The following PDE3A variants were observed in gnomAD, a reference collection of about 807,000 sequenced individuals.
The protein encoded by PDE3A is cGMP-inhibited 3',5'-cyclic phosphodiesterase 3A.
Under a neutral mutation model 98.3 loss-of-function variants are expected in PDE3A, and 43 were observed. The ratio of observed to expected loss-of-function variants is 0.44; its 90% CI spans 0.34 to 0.56. The LOEUF (loss-of-function observed/expected upper bound fraction) is 0.56, where lower values mean the gene tolerates loss of function less well. PDE3A is among the 20% of genes least tolerant of loss of function. The pLI is 0.01. For synonymous variants in PDE3A, 663 were observed against 567.9 expected (o/e 1.17, Z -2.38); for missense variants, 1,427 against 1,440.7 (o/e 0.99, Z 0.15).
In PDE3A at chr12:20,463,592, C is replaced by A. The variant is rs76744994; in HGVS notation, c.961-93068C>A. Among the ~76,000 whole-genome samples, 105 of 152,206 alleles carry A rather than the reference C, an allele frequency of 6.9e-4. 2 individuals carry two copies. The East Asian group carries it at 0.019, about 28-fold the overall frequency. On this transcript the variant is annotated intron_variant, in intron 1 of 15. Transcript: ENST00000359062. ...ATTATTTTGCTTATATCATAGCAAACAATCTCTAGAGCTACAAGGATGTAT... is the reference window on the plus strand; with the variant it reads ...ATTATTTTGCTTATATCATAGCAAAAAATCTCTAGAGCTACAAGGATGTAT...
intron 1 of PDE3A, among the ~76,000 whole-genome samples, chr12:20,446,023 G>C (rs1411938332): frequency 6.6e-6 from 1 of 152,154 alleles, no homozygotes; most frequent in Non-Finnish European, 1.5e-5. Context: ...GGTGGTTCAA[G>C]AATATCAGAG....
intron 1 of PDE3A, among the ~76,000 whole-genome samples, chr12:20,456,520 G>A (rs1055864914): frequency 6.6e-6 from 1 of 151,914 alleles, no homozygotes; most frequent in Non-Finnish European, 1.5e-5. Context: ...AAACTAAATC[G>A]ATAGCTCCAA....
At chr12:20,440,296 A>G (rs1565549836) in intron 1 of PDE3A, among the ~76,000 whole-genome samples, 1 of 152,142 alleles carries the variant, frequency 6.6e-6, no homozygotes, top group Non-Finnish European at 1.5e-5. Flanking sequence ...AAGGAAAAAG[A>G]AATTGGTGGC....
chr12:20,588,906 A>C (rs1199706213), intron 2 of PDE3A, among the ~76,000 whole-genome samples: 2 of 152,004 alleles, frequency 1.3e-5, no homozygotes, highest in Non-Finnish European at 2.9e-5. Context: ...CTTTTAATTC[A>C]TGGGGTTATC....
chr12:20,605,679 G>A (rs11611208), intron 2 of PDE3A, among the ~76,000 whole-genome samples: 5,962 of 152,216 alleles, frequency 0.039, 146 homozygotes, highest in Non-Finnish European at 0.054. Flanking sequence ...GGTTTTGGAA[G>A]TCATCATAAA....
chr12:20,660,370 T>A (rs1206107300), intron 15 of PDE3A, among the ~76,000 whole-genome samples: 2 of 152,158 alleles, frequency 1.3e-5, no homozygotes, highest in African/African-American at 2.4e-5. Flanking sequence ...AGTGGGGTGC[T>A]GATATAAAGA....
rs190872877 is a variant in PDE3A at position 20,536,960 on chromosome 12, T to C, written c.961-19700T>C. ...ATCCTTGTTTATAAGTTTGAGAAACTGTCAAATGGTTTTCCAAAGTGAATG... is the reference window on the plus strand; with the variant it reads ...ATCCTTGTTTATAAGTTTGAGAAACCGTCAAATGGTTTTCCAAAGTGAATG... On this transcript the variant is annotated intron_variant, in intron 1 of 15. Transcript: ENST00000359062. 2.6e-5 allele frequency among the ~76,000 whole-genome samples: 4 copies of C among 152,244 alleles called. No individual in the cohort carries two copies. The East Asian group carries it at 7.7e-4, about 29-fold the overall frequency.
At chr12:20,563,742 T>C (rs1435664321) in intron 2 of PDE3A, among the ~76,000 whole-genome samples, 1 of 152,182 alleles carries the variant, frequency 6.6e-6, no homozygotes, top group African/African-American at 2.4e-5. Context: ...TATATTTGCC[T>C]AGGGCCTCAC....
chr12:20,524,543 T>G (rs1350525827), intron 1 of PDE3A, among the ~76,000 whole-genome samples: 1 of 152,168 alleles, frequency 6.6e-6, no homozygotes, highest in African/African-American at 2.4e-5. Flanking sequence ...TAATAGCTAG[T>G]TTTTTATTTA....
At chr12:20,445,303 G>C (rs886359517) in intron 1 of PDE3A, among the ~76,000 whole-genome samples, 1 of 152,032 alleles carries the variant, frequency 6.6e-6, no homozygotes, top group Non-Finnish European at 1.5e-5. Context: ...CACATCTTAA[G>C]GGAAATGAAC....
At chr12:20,625,691 T>C (rs1039781189) in intron 5 of PDE3A, among the ~76,000 whole-genome samples, 1 of 152,172 alleles carries the variant, frequency 6.6e-6, no homozygotes, top group African/African-American at 2.4e-5. Context: ...AATTCCCCTG[T>C]AGTATTGTTT....
chr12:20,505,679 G>C (rs766622928), intron 1 of PDE3A, among the ~76,000 whole-genome samples: 12 of 152,034 alleles, frequency 7.9e-5, no homozygotes, highest in Non-Finnish European at 1.6e-4. Context: ...GTTAGTCCAA[G>C]TTCCTGTTGA....
chr12:20,551,940 C>T (rs1338790835), intron 1 of PDE3A: 68 of 1,613,026 alleles, frequency 4.2e-5, no homozygotes, highest in Non-Finnish European at 4.5e-5. Context: ...TCCAGGTCAG[C>T]GAGTCGGGTG....
intron 1 of PDE3A, among the ~76,000 whole-genome samples, chr12:20,452,555 C>T (rs902040035): frequency 3.3e-5 from 5 of 152,316 alleles, no homozygotes; most frequent in African/African-American, 1.2e-4. Flanking sequence ...GCTAGTTACG[C>T]AGTTAATGGT....
At chr12:20,510,034 A>G (rs1319687236) in intron 1 of PDE3A, among the ~76,000 whole-genome samples, 1 of 152,044 alleles carries the variant, frequency 6.6e-6, no homozygotes, top group African/African-American at 2.4e-5. Flanking sequence ...CTTGACATAC[A>G]TTAATATAGT....
chr12:20,563,893 T>A (rs1413405843), intron 2 of PDE3A, among the ~76,000 whole-genome samples: 1 of 152,172 alleles, frequency 6.6e-6, no homozygotes, highest in Non-Finnish European at 1.5e-5. Flanking sequence ...GGACAATTAT[T>A]TTTTACTCTT....
intron 1 of PDE3A, among the ~76,000 whole-genome samples, chr12:20,511,970 A>G (rs1012431430): frequency 1.3e-5 from 2 of 152,078 alleles, no homozygotes; most frequent in African/African-American, 4.8e-5. Flanking sequence ...AGACAAACCC[A>G]TTTGAGGGAT....
chr12:20,440,074 C>A (rs1006490972), intron 1 of PDE3A, among the ~76,000 whole-genome samples: 14 of 152,048 alleles, frequency 9.2e-5, no homozygotes, highest in African/African-American at 3.4e-4. Context: ...ATTTAAAAGT[C>A]ATTGTATGAT....
chr12:20,477,805 G>T (rs1292852171), intron 1 of PDE3A, among the ~76,000 whole-genome samples: 2 of 152,084 alleles, frequency 1.3e-5, no homozygotes, highest in African/African-American at 2.4e-5. Context: ...TTTTGAAAAC[G>T]CCATAGCAAC....
Sources: gnomAD v4.1 joint callset for allele counts (sites outside exome capture counted in the v4.1 genomes callset) on GRCh38, gnomAD v4.1.1 for gene constraint, MANE v1.5 for transcripts, NCBI Gene and HGNC (gene_info 2026-07-23, HGNC 2026-07-21) for gene names.